SLC41A2: variants seen among roughly 807,000 people sequenced by gnomAD.
The protein encoded by SLC41A2 is SLC41A1-like 1.
Under a neutral mutation model 58.3 loss-of-function variants are expected in SLC41A2, and 32 were observed. That is an observed-to-expected ratio of 0.55 (90% confidence interval 0.41 to 0.74). SLC41A2 has a LOEUF of 0.74. Ranked by LOEUF, SLC41A2 falls within the 30% of genes least tolerant of loss-of-function variation. The pLI is 0.00. For synonymous variants in SLC41A2, 190 were observed against 235.0 expected, an observed-to-expected ratio of 0.81 and a Z score of 1.75; for missense variants, 514 against 680.6, an observed-to-expected ratio of 0.76 and a Z score of 2.72.
chr12:104,946,741 C>T (rs572934745), intron 1 of SLC41A2, among the ~76,000 whole-genome samples: 16 of 152,242 alleles, frequency 1.1e-4, no homozygotes, highest in South Asian at 6.2e-4. Flanking sequence ...GTGATTTTTA[C>T]GGGGGAATTT....
chr12:104,807,861 C>T (rs1374166158), intron 10 of SLC41A2, among the ~76,000 whole-genome samples: 1 of 152,058 alleles, frequency 6.6e-6, no homozygotes, highest in African/African-American at 2.4e-5. Flanking sequence ...ATTTGGCTCT[C>T]TGTTTGTCTG....
At position 104,873,728 on chromosome 12, in the gene SLC41A2, T is replaced by C. The variant is rs573580859; in HGVS notation, c.1028-7149A>G. On this transcript the variant is annotated intron_variant, in intron 6 of 10. Transcript: ENST00000258538. Reference sequence around the variant, plus strand: ...TATTGGTAATAGCCATTATAACAGATGTGAAATGATATCTCATTTCAGTTT... The same window carrying C: ...TATTGGTAATAGCCATTATAACAGACGTGAAATGATATCTCATTTCAGTTT... 1.4e-4 allele frequency among the ~76,000 whole-genome samples: 22 copies of C among 152,320 alleles called. No individual in the cohort carries two copies. In the East Asian group the frequency reaches 4.0e-3, roughly 28 times the overall value.
At position 104,804,533 on chromosome 12, in the gene SLC41A2, C is replaced by T. The variant is rs1240058726; in HGVS notation, c.*619G>A. On this transcript the variant is annotated 3_prime_UTR_variant, in exon 11 of 11. Transcript: ENST00000258538. ...GATCACTCAATGTTTAAAGATTAGC[C>T]TGACAAGAACTTGCAGAGCTGAAAT... is the stretch of plus-strand genomic sequence containing the variant. 6 of 152,132 alleles carry T rather than the reference C, an allele frequency of 3.9e-5. No homozygotes were observed. Among genetic ancestry groups the T allele is most frequent in the Non-Finnish European group, 5.9e-5 (4 of 68,022 alleles). The allele number at this position is 152,132 out of a possible 1,614,324, so 9.4% of individuals were successfully genotyped here.
At chr12:104,848,813 C>A (rs1203115142) in intron 8 of SLC41A2, among the ~76,000 whole-genome samples, 1 of 151,718 alleles carries the variant, frequency 6.6e-6, no homozygotes, top group Non-Finnish European at 1.5e-5. Context: ...TGAATAAATG[C>A]AGAATAATTT....
Position 104,805,157 on chromosome 12 carries a change from CT to C in SLC41A2, c.1716del (p.Asp573ThrfsTer31). ...AGAGCAGTTTGTAGAATTTATTAGT[CT>C]CCAACATCTCCATCTCGATCTCCAA... ...WLIGDRDGDV[G>X]D is the part of the protein sequence containing the mutation. On this transcript the variant is annotated frameshift_variant, in exon 11 of 11. Transcript: ENST00000258538. LOFTEE classifies it high-confidence loss of function. 6.2e-7 allele frequency: 1 copy of C among 1,607,400 alleles called. No individual in the cohort carries two copies. The highest frequency in any genetic ancestry group is 8.5e-7 in the Non-Finnish European group (1 of 1,177,168).
At chr12:104,903,345 T>A (rs2045649451) in intron 3 of SLC41A2, among the ~76,000 whole-genome samples, 1 of 152,214 alleles carries the variant, frequency 6.6e-6, no homozygotes, top group South Asian at 2.1e-4. Context: ...ACTAGGCAAA[T>A]CCGTACATAA....
intron 3 of SLC41A2, among the ~76,000 whole-genome samples, chr12:104,907,101 T>C (rs570256214): frequency 6.6e-6 from 1 of 152,298 alleles, no homozygotes; most frequent in African/African-American, 2.4e-5. Context: ...CTTATTTTTT[T>C]CCATGGGTTA....
intron 1 of SLC41A2, among the ~76,000 whole-genome samples, chr12:104,939,879 C>T (rs1026786306): frequency 2.6e-5 from 4 of 152,206 alleles, no homozygotes. Flanking sequence ...GACACACATA[C>T]ACACATACAG....
At chr12:104,951,506 C>G (rs2047953086) in intron 1 of SLC41A2, 1 of 152,004 alleles carries the variant, frequency 6.6e-6, no homozygotes. Context: ...ATGAACTGTT[C>G]GTAACTTCTT....
At chr12:104,864,705 T>G (rs1330262112) in intron 7 of SLC41A2, among the ~76,000 whole-genome samples, 1 of 152,188 alleles carries the variant, frequency 6.6e-6, no homozygotes, top group African/African-American at 2.4e-5. Context: ...CTACTTTATA[T>G]TCCAACTCTT....
intron 4 of SLC41A2, 126 bp from the exon 5 acceptor site, chr12:104,889,303 C>T: frequency 2.1e-6 from 2 of 953,304 alleles, no homozygotes; most frequent in Non-Finnish European, 3.1e-6. Flanking sequence ...AGCTACATTA[C>T]CTTTTAGAGT....
intron 3 of SLC41A2, among the ~76,000 whole-genome samples, chr12:104,899,308 C>T (rs1202042249): frequency 6.6e-6 from 1 of 152,162 alleles, no homozygotes; most frequent in Non-Finnish European, 1.5e-5. Flanking sequence ...GAATATTAAT[C>T]ATACATTTCT....
chr12:104,812,353 T>C (rs1471276680), intron 10 of SLC41A2, among the ~76,000 whole-genome samples: 1 of 152,206 alleles, frequency 6.6e-6, no homozygotes, highest in Non-Finnish European at 1.5e-5. Context: ...TGGAAGAACT[T>C]AAAAAATTTG....
Position 104,805,020 on chromosome 12 carries a change from A to T in SLC41A2, c.*132T>A. The stretch of plus-strand genomic sequence containing the variant: ...CCTTAAAAAAAAATTAAGGCCATTT[A>T]ATTGAATCAGGGCCAACTGAAGATT... On this transcript the variant is annotated 3_prime_UTR_variant, in exon 11 of 11. Transcript: ENST00000258538. 4.3e-6 allele frequency: 3 copies of T among 697,666 alleles called. No individual in the cohort carries two copies. The highest frequency in any genetic ancestry group is 6.8e-6 in the Non-Finnish European group (3 of 443,690). The allele number at this position is 697,666 out of a possible 1,614,324, so 43.2% of individuals were successfully genotyped here.
At chr12:104,904,644 T>TGGCGCGTCTGGAGTCTG (rs2045726908) in intron 3 of SLC41A2, among the ~76,000 whole-genome samples, 5 of 151,804 alleles carry the variant, frequency 3.3e-5, no homozygotes, top group South Asian at 2.1e-4. Flanking sequence ...CCTTCTGATG[T>TGGCGCGTCTGGAGTCTG]TCAGATGTGT....
At chr12:104,810,936 T>C (rs944417885) in intron 10 of SLC41A2, among the ~76,000 whole-genome samples, 4 of 152,228 alleles carry the variant, frequency 2.6e-5, no homozygotes. Context: ...AATAGAACTT[T>C]ACATTGATGA....
At chr12:104,919,720 T>A (rs1332371840) in intron 2 of SLC41A2, among the ~76,000 whole-genome samples, 1 of 152,242 alleles carries the variant, frequency 6.6e-6, no homozygotes, top group African/African-American at 2.4e-5. Context: ...AGTTCTTACA[T>A]ATACTAATCC....
Position 104,892,320 on chromosome 12 carries a change from ATAAAAT to A in SLC41A2, c.735+2948_735+2953del, listed in dbSNP as rs1565879506. Among the ~76,000 whole-genome samples, 17 of 135,480 alleles carry A rather than the reference ATAAAAT, an allele frequency of 1.3e-4. 1 individual carries two copies. The highest frequency in any genetic ancestry group is 2.9e-4 in the East Asian group (1 of 3,466). 88.9% of individuals were successfully genotyped at this position (135,480 alleles called of 152,430 possible). On this transcript the variant is annotated intron_variant, in intron 4 of 10. Transcript: ENST00000258538. ...CAAAAAAAAAATAAAATAAAATAAA[ATAAAAT>A]AAAATAAAATATTGATGCAAGAAAT...
chr12:104,957,455 A>G (rs2048209751), intron 1 of SLC41A2, among the ~76,000 whole-genome samples: 1 of 152,144 alleles, frequency 6.6e-6, no homozygotes, highest in African/African-American at 2.4e-5. Context: ...ATATTTGGAA[A>G]ACTCTGTGAA....
Sources: allele counts gnomAD v4.1 joint callset (sites outside exome capture counted in the v4.1 genomes callset), GRCh38; gene constraint gnomAD v4.1.1; transcripts MANE v1.5; gene names NCBI Gene and HGNC (gene_info 2026-07-23, HGNC 2026-07-21).